CHST3: variants seen among roughly 807,000 people sequenced by gnomAD.
CHST3 encodes the protein carbohydrate sulfotransferase 3, also known as C6ST-1.
CHST3 carries 20 observed loss-of-function variants against 35.4 expected under a neutral mutation model. The ratio of observed to expected loss-of-function variants is 0.57; its 90% CI spans 0.40 to 0.82. The LOEUF (loss-of-function observed/expected upper bound fraction) is 0.82. Ranked by LOEUF, CHST3 falls within the 40% of genes least tolerant of loss-of-function variation. The pLI is 0.00. For synonymous variants in CHST3, 334 were observed against 295.9 expected, an observed-to-expected ratio of 1.13 and a Z score of -1.32; for missense variants, 693 against 670.1, an observed-to-expected ratio of 1.03 and a Z score of -0.38.
At chr10:71,970,835 G>A (rs750403047) in intron 1 of CHST3, among the ~76,000 whole-genome samples, 3 of 152,194 alleles carry the variant, frequency 2.0e-5, no homozygotes, top group Non-Finnish European at 4.4e-5. Flanking sequence ...TTCCCGTTAT[G>A]TCTCTCCAAG....
intron 1 of CHST3, among the ~76,000 whole-genome samples, chr10:71,968,091 C>T (rs1198109278): frequency 6.6e-6 from 1 of 151,962 alleles, no homozygotes; most frequent in Non-Finnish European, 1.5e-5. Flanking sequence ...GCTGGGATTA[C>T]AGGCATGAGC....
At chr10:71,981,944 C>T (rs1410918199) in intron 1 of CHST3, among the ~76,000 whole-genome samples, 2 of 152,204 alleles carry the variant, frequency 1.3e-5, no homozygotes, top group Non-Finnish European at 2.9e-5. Flanking sequence ...TTCTCATGCC[C>T]AGCAGGGATG....
chr10:71,965,634 C>G (rs2131733334), intron 1 of CHST3, among the ~76,000 whole-genome samples: 1 of 152,290 alleles, frequency 6.6e-6, no homozygotes, highest in East Asian at 1.9e-4. Context: ...TGCTGGGCCC[C>G]AGGATGTACG....
chr10:71,968,636 A>G lies in CHST3; in HGVS notation c.-108+3942A>G, dbSNP rs181326704. On this transcript the variant is annotated intron_variant, in intron 1 of 2. Transcript: ENST00000373115. ...ATTGGTTCTCCATGGCAACAGGGAAACAGCCCTGATGCTTCTTACTAACGT... is the reference window on the plus strand; with the variant it reads ...ATTGGTTCTCCATGGCAACAGGGAAGCAGCCCTGATGCTTCTTACTAACGT... Among the ~76,000 whole-genome samples, 296 of 152,310 alleles carry G rather than the reference A, an allele frequency of 1.9e-3. 1 individual carries two copies. The highest frequency in any genetic ancestry group is 6.9e-3 in the African/African-American group (288 of 41,548).
At chr10:71,994,728 A>G (rs181954592) in intron 1 of CHST3, among the ~76,000 whole-genome samples, 1 of 152,340 alleles carries the variant, frequency 6.6e-6, no homozygotes, top group African/African-American at 2.4e-5. Flanking sequence ...TCTTCTTTCA[A>G]TAGAAGGCTG....
chr10:71,977,449 T>A (rs1422284747), intron 1 of CHST3, among the ~76,000 whole-genome samples: 1 of 20,950 alleles, frequency 4.8e-5, no homozygotes, highest in Admixed American at 4.7e-4. Context: ...CTAAGCTCGA[T>A]TTTTTTTTTT....
chr10:72,008,067 G>C lies in CHST3; in HGVS notation c.1036G>C (p.Glu346Gln). ...EEVQRLRGNC[E>Q]SIRLSAELGL... ...GGTGCAGCGGCTGCGGGGCAACTGC[G>C]AGAGCATCCGCCTGTCCGCGGAGCT... The change falls in exon 3 of 3, where the codon GAG (glutamate) becomes CAG (glutamine). Residue 346 changes from glutamate (E) to glutamine (Q), a missense_variant. Coordinates refer to ENST00000373115, the MANE Select transcript of CHST3 (RefSeq NM_004273.5). 1 of 1,546,620 alleles carries C rather than the reference G, an allele frequency of 6.5e-7. No homozygotes were observed. The highest frequency in any genetic ancestry group is 8.7e-7 in the Non-Finnish European group (1 of 1,144,566).
rs191614457 is a variant in CHST3 at position 71,982,595 on chromosome 10, A to C, written c.-108+17901A>C. On this transcript the variant is annotated intron_variant, in intron 1 of 2. Transcript: ENST00000373115. ...TGATGAAACCCCTGTCTCTACAAAA[A>C]TAAAAAAATTAGCTGAGTGTGGTTG... Among the ~76,000 whole-genome samples the C allele has an allele frequency of 1.3e-3, 204 of 152,264 alleles. 1 individual carries two copies. The highest frequency in any genetic ancestry group is 4.7e-3 in the African/African-American group (196 of 41,558).
At position 72,008,553 on chromosome 10, in the gene CHST3, C is replaced by G; in HGVS notation, c.*82C>G. ...GCAGCCCTCGCAGAGGGCGGGTGCA[C>G]AGCGCCATGAGCGGGCAGCGCCTCC... On this transcript the variant is annotated 3_prime_UTR_variant, in exon 3 of 3. Transcript: ENST00000373115. The G allele has an allele frequency of 6.9e-7, 1 of 1,445,810 alleles. No homozygotes were observed. Among genetic ancestry groups the G allele is most frequent in the African/African-American group, 1.4e-5 (1 of 69,780 alleles). 89.6% of individuals were successfully genotyped at this position (1,445,810 alleles called of 1,614,324 possible).
intron 1 of CHST3, among the ~76,000 whole-genome samples, chr10:71,967,062 C>T (rs1839638360): frequency 6.6e-6 from 1 of 152,150 alleles, no homozygotes; most frequent in South Asian, 2.1e-4. Context: ...TGCAGTGGCA[C>T]GATCACTGCC....
Position 72,012,014 on chromosome 10 carries a change from A to G in CHST3, c.*3543A>G, listed in dbSNP as rs1398542647. 3.3e-5 allele frequency: 5 copies of G among 152,238 alleles called. No homozygotes were observed. Among genetic ancestry groups the G allele is most frequent in the Admixed American group, 3.3e-4 (5 of 15,284 alleles). 9.4% of individuals were successfully genotyped at this position (152,238 alleles called of 1,614,324 possible). On this transcript the variant is annotated 3_prime_UTR_variant, in exon 3 of 3. Transcript: ENST00000373115. ...CCAAAAGCTGAGGAACATAAAGCAA[A>G]TTTAGGCTTTTGTCCTTCTGCAATA...
chr10:71,994,508 C>T (rs546133119), intron 1 of CHST3, among the ~76,000 whole-genome samples: 8 of 152,316 alleles, frequency 5.3e-5, no homozygotes, highest in Admixed American at 4.6e-4. Context: ...GATATGCTGT[C>T]ATCCAGGCCT....
Position 71,991,819 on chromosome 10 carries a change from A to G in CHST3, c.-107-13917A>G, listed in dbSNP as rs532808754. Among the ~76,000 whole-genome samples the G allele has an allele frequency of 1.5e-3, 233 of 152,196 alleles. 2 individuals carry two copies. The highest frequency in any genetic ancestry group is 4.9e-3 in the African/African-American group (205 of 41,540). ...CATGGTGGCAGGCACCTGTAATCCC[A>G]GCTACTCGGGAGGCTGAGGCAGGAG... On this transcript the variant is annotated intron_variant, in intron 1 of 2. Transcript: ENST00000373115.
chr10:71,971,652 G>A (rs374398126), intron 1 of CHST3, among the ~76,000 whole-genome samples: 2 of 152,312 alleles, frequency 1.3e-5, no homozygotes, highest in East Asian at 3.9e-4. Context: ...GCTATCTGAG[G>A]AAATATTTTG....
chr10:71,974,097 A>G (rs538297566), intron 1 of CHST3, among the ~76,000 whole-genome samples: 7 of 152,368 alleles, frequency 4.6e-5, no homozygotes, highest in African/African-American at 1.4e-4. Flanking sequence ...ATGTATTTCT[A>G]TACAAGTGTT....
At chr10:72,002,721 G>A (rs969868952) in intron 1 of CHST3, among the ~76,000 whole-genome samples, 1 of 152,216 alleles carries the variant, frequency 6.6e-6, no homozygotes, top group South Asian at 2.1e-4. Flanking sequence ...AAACTCAGTG[G>A]TGGTTCTCAC....
rs201963050 is a variant in CHST3, at chr10:72,007,558, C to T, written c.527C>T (p.Pro176Leu). Residue 176 changes from proline to leucine, a missense_variant, in exon 3 of 3, where the codon CCG (proline) becomes CTG (leucine). By Grantham distance (98) the Pro-to-Leu change is moderately conservative. Transcript: ENST00000373115. The stretch of plus-strand genomic sequence containing the variant: ...ATCGAGCGCACAGTGTCCTTCGAGC[C>T]GGGGGGCGCCAACGCCGCGGGCTCG... ...WHIERTVSFE[P>L]GGANAAGSAL... 1.9e-6 allele frequency: 3 copies of T among 1,606,924 alleles called. No homozygotes were observed. Among genetic ancestry groups the T allele is most frequent in the East Asian group, 2.2e-5 (1 of 44,868 alleles).
intron 1 of CHST3, among the ~76,000 whole-genome samples, chr10:71,995,774 C>T (rs1311314393): frequency 6.6e-6 from 1 of 152,124 alleles, no homozygotes; most frequent in African/African-American, 2.4e-5. Context: ...TGGTTTGTGG[C>T]ACCCCAAAAC....
At chr10:71,965,809 G>T (rs890946994) in intron 1 of CHST3, among the ~76,000 whole-genome samples, 6 of 152,154 alleles carry the variant, frequency 3.9e-5, no homozygotes, top group Non-Finnish European at 7.3e-5. Context: ...AGAGAAGGGG[G>T]CCTGAGTAGC....
Sources: gnomAD v4.1 joint callset for allele counts (sites outside exome capture counted in the v4.1 genomes callset) on GRCh38, gnomAD v4.1.1 for gene constraint, MANE v1.5 for transcripts, NCBI Gene and HGNC (gene_info 2026-07-23, HGNC 2026-07-21) for gene names.